The following PRKAR1B variants were observed in gnomAD, a reference collection of about 807,000 sequenced individuals.
PRKAR1B encodes the protein protein kinase cAMP-dependent type I regulatory subunit beta.
A neutral mutation model predicts 46.5 loss-of-function variants in PRKAR1B; 22 were observed. The observed-to-expected ratio is 0.47, with a 90% CI of 0.34 to 0.68. PRKAR1B has a LOEUF of 0.68. Ranked by LOEUF, PRKAR1B falls within the 30% of genes least tolerant of loss-of-function variation. PRKAR1B has a pLI of 0.01. For missense variants in PRKAR1B, 445 were observed against 535.6 expected, an observed-to-expected ratio of 0.83 and a Z score of 1.67; for synonymous variants, 259 against 217.7, an observed-to-expected ratio of 1.19 and a Z score of -1.67.
At chr7:628,033 G>C (rs1037286624) in intron 4 of PRKAR1B, among the ~76,000 whole-genome samples, 1 of 152,120 alleles carries the variant, frequency 6.6e-6, no homozygotes, top group Non-Finnish European at 1.5e-5. Context: ...GGGGGACAGC[G>C]GTGGGGGGAG....
intron 2 of PRKAR1B, among the ~76,000 whole-genome samples, chr7:694,381 C>A (rs1779609942): frequency 7.0e-6 from 1 of 142,656 alleles, no homozygotes; most frequent in Non-Finnish European, 1.5e-5. Context: ...AGGGTTTAGA[C>A]CCCGGACCAA....
rs1780112622 is a variant in PRKAR1B at position 702,518 on chromosome 7, G to GA, written c.177+8810dup. Among the ~76,000 whole-genome samples the GA allele has an allele frequency of 2.0e-5, 3 of 152,250 alleles. No homozygotes were observed. The South Asian group carries it at 6.2e-4, about 32-fold the overall frequency. ...CAAAGGGAAACCAGACAAACTCAAA[G>GA]AAAATCATATTAAGATGCATCATAG... is the stretch of plus-strand genomic sequence containing the variant. On this transcript the variant is annotated intron_variant, in intron 2 of 10. Coordinates refer to ENST00000537384, the MANE Select transcript of PRKAR1B (RefSeq NM_001164760.2).
chr7:568,275 C>T (rs1177443911), intron 9 of PRKAR1B, among the ~76,000 whole-genome samples: 2 of 152,182 alleles, frequency 1.3e-5, no homozygotes, highest in Non-Finnish European at 2.9e-5. Flanking sequence ...GGTAGGTGAC[C>T]TTGTGTCCTG....
chr7:669,846 G>A (rs1436070225), intron 4 of PRKAR1B, among the ~76,000 whole-genome samples: 1 of 151,310 alleles, frequency 6.6e-6, no homozygotes, highest in Non-Finnish European at 1.5e-5. Flanking sequence ...GAGAAGGCTG[G>A]TGGGCAGGTC....
chr7:638,809 G>A (rs1193943551), intron 4 of PRKAR1B, among the ~76,000 whole-genome samples: 1 of 152,220 alleles, frequency 6.6e-6, no homozygotes, highest in African/African-American at 2.4e-5. Context: ...GGGCGCGGGG[G>A]CTCACGCCTG....
intron 4 of PRKAR1B, among the ~76,000 whole-genome samples, chr7:621,605 C>T (rs777701443): frequency 1.6e-4 from 25 of 152,202 alleles, no homozygotes; most frequent in Non-Finnish European, 3.7e-4. Context: ...GCAACCCTTC[C>T]CTAAGGGGCT....
chr7:680,781 G>A, intron 2 of PRKAR1B, 55 bp from the exon 3 acceptor site: 1 of 1,602,412 alleles, frequency 6.2e-7, no homozygotes, highest in Non-Finnish European at 8.5e-7. Context: ...GTCCCGGCCA[G>A]GCACAGGGCC....
chr7:683,704 C>A (rs1279844882), intron 2 of PRKAR1B, among the ~76,000 whole-genome samples: 1 of 152,220 alleles, frequency 6.6e-6, no homozygotes, highest in South Asian at 2.1e-4. Flanking sequence ...GTCACAGAGA[C>A]GCCCTGACCA....
chr7:638,367 T>TC (rs1784229678), intron 4 of PRKAR1B, among the ~76,000 whole-genome samples: 1 of 152,008 alleles, frequency 6.6e-6, no homozygotes, highest in South Asian at 2.1e-4. Context: ...TCTGGAGAGC[T>TC]CCCCCAGCTC....
At chr7:569,269 C>T (rs1247830799) in intron 9 of PRKAR1B, among the ~76,000 whole-genome samples, 2 of 152,236 alleles carry the variant, frequency 1.3e-5, no homozygotes, top group African/African-American at 4.8e-5. Flanking sequence ...GCCTCAGCCT[C>T]ACACCTGGCC....
intron 7 of PRKAR1B, among the ~76,000 whole-genome samples, chr7:588,375 T>G (rs1235671930): frequency 2.0e-5 from 3 of 151,686 alleles, no homozygotes. Context: ...TTATGAGAAC[T>G]GATTCTCAAC....
intron 9 of PRKAR1B, among the ~76,000 whole-genome samples, chr7:558,624 G>A (rs986445172): frequency 9.9e-5 from 15 of 151,862 alleles, no homozygotes; most frequent in African/African-American, 2.9e-4. Context: ...GGCGTGGTGC[G>A]CGCCTGTAAT....
intron 4 of PRKAR1B, among the ~76,000 whole-genome samples, chr7:631,494 C>T (rs1319920083): frequency 6.6e-6 from 1 of 152,218 alleles, no homozygotes; most frequent in African/African-American, 2.4e-5. Flanking sequence ...GGTCAGCCAG[C>T]ACCCAGACAG....
intron 8 of PRKAR1B, among the ~76,000 whole-genome samples, chr7:582,818 C>T (rs896254746): frequency 6.6e-6 from 1 of 152,250 alleles, no homozygotes; most frequent in Non-Finnish European, 1.5e-5. Flanking sequence ...GGCAGCGGGA[C>T]GCCCAGACGG....
At chr7:634,471 C>T (rs1197333492) in intron 4 of PRKAR1B, among the ~76,000 whole-genome samples, 1 of 152,046 alleles carries the variant, frequency 6.6e-6, no homozygotes, top group African/African-American at 2.4e-5. Context: ...GAGCAAGACC[C>T]TGTCTCCAAA....
At chr7:612,605 G>C (rs1345207727) in intron 4 of PRKAR1B, among the ~76,000 whole-genome samples, 3 of 152,296 alleles carry the variant, frequency 2.0e-5, no homozygotes, top group South Asian at 4.1e-4. Flanking sequence ...TATTAGAGGA[G>C]AGGAAGGAAG....
chr7:727,125 C>T, intron 1 of PRKAR1B, 85 bp downstream of exon 1: 1 of 1,169,740 alleles, frequency 8.5e-7, no homozygotes, highest in Non-Finnish European at 1.1e-6. Flanking sequence ...GCCGCCCGCC[C>T]GAGGCCTGTG....
At chr7:672,130 C>T (rs1003318053) in intron 4 of PRKAR1B, among the ~76,000 whole-genome samples, 1 of 151,952 alleles carries the variant, frequency 6.6e-6, no homozygotes, top group African/African-American at 2.4e-5. Context: ...AAGTATTTGT[C>T]GTCTTAAATT....
intron 4 of PRKAR1B, among the ~76,000 whole-genome samples, chr7:623,725 C>T (rs1783232268): frequency 6.6e-6 from 1 of 152,256 alleles, no homozygotes; most frequent in South Asian, 2.1e-4. Context: ...CGCAAGACCC[C>T]ATTGCAGTGA....
Sources: allele counts gnomAD v4.1 joint callset (sites outside exome capture counted in the v4.1 genomes callset), GRCh38; gene constraint gnomAD v4.1.1; transcripts MANE v1.5; gene names NCBI Gene and HGNC (gene_info 2026-07-23, HGNC 2026-07-21).